The following STK24 variants were observed in gnomAD, a reference collection of about 807,000 sequenced individuals.
STK24 encodes serine/threonine kinase 24.
A neutral mutation model predicts 55.6 loss-of-function variants in STK24; 21 were observed. That is an observed-to-expected ratio of 0.38 (90% CI 0.27 to 0.54). STK24 has a LOEUF of 0.54. STK24 is among the 20% of genes least tolerant of loss of function. STK24 has a pLI of 0.79. For missense variants in STK24, 383 were observed against 538.4 expected (o/e 0.71, Z 2.86); for synonymous variants, 200 against 215.2 (o/e 0.93, Z 0.62).
intron 1 of STK24, chr13:98,576,326 C>G (rs1897891869): frequency 1.4e-6 from 1 of 690,274 alleles, no homozygotes; most frequent in East Asian, 1.3e-4. Flanking sequence ...GCCTGGGGGA[C>G]GCGTCCTGGG....
rs1794397830 is a variant in STK24, at chr13:98,445,929, G to C, written c.*7244C>G. ...GACAAGGGGAAGTGATGAGATCAGG[G>C]TCCCAGGACCTGCCAAGTCTCCCCA... On this transcript the variant is annotated 3_prime_UTR_variant, in exon 11 of 11. Transcript: ENST00000539966. 4 of 580,184 alleles carry C rather than the reference G, an allele frequency of 6.9e-6. No individual in the cohort carries two copies. The highest frequency in any genetic ancestry group is 1.2e-5 in the Non-Finnish European group (4 of 323,316). The allele number at this position is 580,184 out of a possible 1,614,324, so 35.9% of individuals were successfully genotyped here. A position where few individuals can be genotyped will look rare whatever the true frequency, so the allele number is the denominator to read the frequency against.
intron 1 of STK24, among the ~76,000 whole-genome samples, chr13:98,575,490 TC>T (rs1897864901): frequency 6.6e-6 from 1 of 152,048 alleles, no homozygotes; most frequent in African/African-American, 2.4e-5. Context: ...AACTTTGAGT[TC>T]CTATTTTTCC....
At chr13:98,545,337 C>T (rs1243840329) in intron 1 of STK24, among the ~76,000 whole-genome samples, 1 of 152,212 alleles carries the variant, frequency 6.6e-6, no homozygotes, top group Non-Finnish European at 1.5e-5. Context: ...TTAACGTACA[C>T]ACGTGCAGAT....
At chr13:98,525,788 A>G (rs1866636170) in intron 1 of STK24, among the ~76,000 whole-genome samples, 1 of 152,320 alleles carries the variant, frequency 6.6e-6, no homozygotes, top group South Asian at 2.1e-4. Context: ...AAATAATAGT[A>G]TCTATCTCTG....
Position 98,463,705 on chromosome 13 carries a change from G to A in STK24, c.915C>T (p.Ser305=), listed in dbSNP as rs553440789. The A allele has an allele frequency of 4.3e-6, 7 of 1,613,906 alleles. No individual in the cohort carries two copies. Among genetic ancestry groups the A allele is most frequent in the African/African-American group, 2.7e-5 (2 of 75,004 alleles). ...GGCCGACTTACGCGTCGGAATCCTC[G>A]GAGCTCGAGTCGTCATGGCTCTGCT... The part of the protein sequence containing the change: ...KAEQSHDDSS[S]EDSDAETDGQ... The change falls in exon 7 of 11, where the codon TCC becomes TCT. Residue 305 remains serine (S), a synonymous_variant. Coordinates refer to ENST00000539966, the MANE Select transcript of STK24 (RefSeq NM_001032296.4).
intron 2 of STK24, among the ~76,000 whole-genome samples, chr13:98,504,264 T>G (rs959315910): frequency 6.6e-6 from 1 of 152,170 alleles, no homozygotes; most frequent in Non-Finnish European, 1.5e-5. Context: ...TCCATCCCTT[T>G]AATAATAAGA....
At chr13:98,469,007 C>T (rs1400189489) in intron 5 of STK24, among the ~76,000 whole-genome samples, 4 of 152,242 alleles carry the variant, frequency 2.6e-5, no homozygotes, top group South Asian at 2.1e-4. Context: ...TGGCAGAAGC[C>T]GATCTCTGCT....
At chr13:98,507,056 C>T (rs1052818035) in intron 2 of STK24, among the ~76,000 whole-genome samples, 3 of 152,242 alleles carry the variant, frequency 2.0e-5, no homozygotes, top group Non-Finnish European at 4.4e-5. Context: ...TGTAAATGTG[C>T]AGCTGGGCGG....
intron 1 of STK24, among the ~76,000 whole-genome samples, chr13:98,559,523 G>A (rs1308576579): frequency 6.6e-6 from 1 of 152,020 alleles, no homozygotes; most frequent in Admixed American, 6.5e-5. Flanking sequence ...ACCCAGTCTC[G>A]GGTATTTCTT....
In STK24 at chr13:98,447,456, TGTGACAAAGGG is replaced by T. The variant is rs1163153488; in HGVS notation, c.*5706_*5716del. On this transcript the variant is annotated 3_prime_UTR_variant, in exon 11 of 11. Coordinates refer to ENST00000539966, the MANE Select transcript of STK24 (RefSeq NM_001032296.4). ...ATCAAAGTTGGGATTTTGCTATTATTGTGACAAAGGGTCCAGCCTTGCAGTCCAGATCCTGA... is the reference window on the plus strand; with the variant it reads ...ATCAAAGTTGGGATTTTGCTATTATTTCCAGCCTTGCAGTCCAGATCCTGA... The T allele has an allele frequency of 1.3e-5, 2 of 152,500 alleles. No homozygotes were observed. The highest frequency in any genetic ancestry group is 2.9e-5 in the Non-Finnish European group (2 of 68,304). The allele number at this position is 152,500 out of a possible 1,614,324, so 9.4% of individuals were successfully genotyped here.
chr13:98,521,676 G>C, intron 1 of STK24: 1 of 697,790 alleles, frequency 1.4e-6, no homozygotes, highest in East Asian at 2.6e-5. Flanking sequence ...GCAGCTTTCG[G>C]GGATGCGGGG....
At chr13:98,510,913 A>G (rs1326746782) in intron 2 of STK24, among the ~76,000 whole-genome samples, 1 of 152,182 alleles carries the variant, frequency 6.6e-6, no homozygotes, top group Non-Finnish European at 1.5e-5. Context: ...TTATTTTTTT[A>G]CTTAAACACA....
At chr13:98,546,446 A>G (rs1343628553) in intron 1 of STK24, among the ~76,000 whole-genome samples, 1 of 152,158 alleles carries the variant, frequency 6.6e-6, no homozygotes, top group Non-Finnish European at 1.5e-5. Context: ...AAATCCCCAG[A>G]CCTGTCAAAA....
chr13:98,469,140 C>G (rs55638511), intron 5 of STK24, among the ~76,000 whole-genome samples: 4 of 152,202 alleles, frequency 2.6e-5, no homozygotes, highest in Non-Finnish European at 4.4e-5. Context: ...TGCTTCTGCA[C>G]GCAGTGTGCA....
At chr13:98,554,467 A>G (rs1897237051) in intron 1 of STK24, among the ~76,000 whole-genome samples, 1 of 152,150 alleles carries the variant, frequency 6.6e-6, no homozygotes, top group Non-Finnish European at 1.5e-5. Context: ...TGCACCTCTC[A>G]CAGATTAAAT....
intron 1 of STK24, among the ~76,000 whole-genome samples, chr13:98,525,423 G>C (rs746321292): frequency 1.3e-5 from 2 of 152,154 alleles, no homozygotes; most frequent in African/African-American, 4.8e-5. Flanking sequence ...TGGGAGGTCA[G>C]GACACATGGA....
chr13:98,497,762 C>T (rs189891276), intron 2 of STK24, among the ~76,000 whole-genome samples: 9 of 152,304 alleles, frequency 5.9e-5, no homozygotes, highest in Admixed American at 2.0e-4. Context: ...CCATCCCTGG[C>T]GCAGAGCTGG....
chr13:98,560,164 A>G (rs1456209586), intron 1 of STK24, among the ~76,000 whole-genome samples: 2 of 152,220 alleles, frequency 1.3e-5, no homozygotes, highest in African/African-American at 4.8e-5. Flanking sequence ...TCACAGTCTC[A>G]GTGCCAACAG....
chr13:98,570,843 A>G (rs1182861358), intron 1 of STK24, among the ~76,000 whole-genome samples: 1 of 152,206 alleles, frequency 6.6e-6, no homozygotes. Flanking sequence ...CTGCAAAAAC[A>G]TGAATTATGG....
Sources: gnomAD v4.1 joint callset for allele counts (sites outside exome capture counted in the v4.1 genomes callset) on GRCh38, gnomAD v4.1.1 for gene constraint, MANE v1.5 for transcripts, NCBI Gene and HGNC (gene_info 2026-07-23, HGNC 2026-07-21) for gene names.